GPR139: variants seen among roughly 807,000 people sequenced by gnomAD.
GPR139 encodes the protein probable G protein-coupled receptor 139.
A neutral mutation model predicts 25.8 loss-of-function variants in GPR139; 12 were observed. The observed-to-expected ratio is 0.47, with a 90% CI of 0.30 to 0.75. The LOEUF is 0.75. GPR139 is among the 30% of genes least tolerant of loss of function. The pLI is 0.07. For missense variants in GPR139, 380 were observed against 450.2 expected (o/e 0.84, Z 1.41); for synonymous variants, 184 against 179.9 (o/e 1.02, Z -0.18).
At chr16:20,068,236 C>CAAAAAAA (rs10534277) in intron 1 of GPR139, among the ~76,000 whole-genome samples, 5 of 109,026 alleles carry the variant, frequency 4.6e-5, no homozygotes, top group Non-Finnish European at 7.5e-5. Context: ...CTATTTAATG[C>CAAAAAAA]AAAAAAAAAA....
intron 1 of GPR139, among the ~76,000 whole-genome samples, chr16:20,045,271 A>G (rs1245166886): frequency 6.6e-6 from 1 of 152,134 alleles, no homozygotes; most frequent in Non-Finnish European, 1.5e-5. Context: ...AAGTGCTGGG[A>G]TGACAGGTGT....
chr16:20,041,128 A>T lies in GPR139; in HGVS notation c.128-8459T>A, dbSNP rs12708627. Among the ~76,000 whole-genome samples, 61 of 34,608 alleles carry T rather than the reference A, an allele frequency of 1.8e-3. 1 individual carries two copies. Among genetic ancestry groups the T allele is most frequent in the African/African-American group, 4.4e-3 (31 of 6,984 alleles). The allele number at this position is 34,608 out of a possible 152,430, so 22.7% of individuals were successfully genotyped here. A position where few individuals can be genotyped will look rare whatever the true frequency, so the allele number is the denominator to read the frequency against. On this transcript the variant is annotated intron_variant, in intron 1 of 1. Transcript: ENST00000570682. ...CTGACCCAGAAAGGAAAGGAAAGGA[A>T]AGGAGAGGAGAGGAGAGGAGACGAG...
chr16:20,073,685 G>T lies in GPR139; in HGVS notation c.-69C>A. On this transcript the variant is annotated 5_prime_UTR_variant, in exon 1 of 2. Transcript: ENST00000570682. The surrounding 1 kb of genome is among the most constrained non-coding windows in gnomAD (Gnocchi z 4.7). ...CAGCCCGACTCTGGTCGCCGGCTCGGTGGTGGCGGCGGCGGAGGCAGCGGC... is the reference window on the plus strand; with the variant it reads ...CAGCCCGACTCTGGTCGCCGGCTCGTTGGTGGCGGCGGCGGAGGCAGCGGC... The T allele has an allele frequency of 6.8e-7, 1 of 1,477,344 alleles. No homozygotes were observed. The highest frequency in any genetic ancestry group is 9.0e-7 in the Non-Finnish European group (1 of 1,116,376). 91.5% of individuals were successfully genotyped at this position (1,477,344 alleles called of 1,614,324 possible).
intron 1 of GPR139, among the ~76,000 whole-genome samples, chr16:20,053,722 A>G (rs1345794972): frequency 6.6e-6 from 1 of 152,246 alleles, no homozygotes; most frequent in Admixed American, 6.5e-5. Context: ...CCTGATTGGT[A>G]TCAAGAGCAA....
chr16:20,072,389 C>T (rs564919130), intron 1 of GPR139, among the ~76,000 whole-genome samples: 6 of 152,254 alleles, frequency 3.9e-5, no homozygotes, highest in African/African-American at 1.4e-4. Flanking sequence ...TTCCCAGGAT[C>T]GCAAGATGCT....
chr16:20,054,336 C>T (rs1160970089), intron 1 of GPR139, among the ~76,000 whole-genome samples: 1 of 152,070 alleles, frequency 6.6e-6, no homozygotes, highest in Non-Finnish European at 1.5e-5. Context: ...TCCAAACCTG[C>T]AGGTTAGCCA....
chr16:20,067,304 G>A (rs1157352911), intron 1 of GPR139, among the ~76,000 whole-genome samples: 1 of 152,130 alleles, frequency 6.6e-6, no homozygotes, highest in East Asian at 1.9e-4. Context: ...TAGCAACACA[G>A]CAGAACCTGG....
At chr16:20,071,046 C>G (rs1386714351) in intron 1 of GPR139, 18 of 968,506 alleles carry the variant, frequency 1.9e-5, no homozygotes, top group Non-Finnish European at 8.6e-6. Context: ...AGTGCAGTGT[C>G]AATAAATGAA....
At chr16:20,043,294 A>T (rs1465255917) in intron 1 of GPR139, among the ~76,000 whole-genome samples, 1 of 152,162 alleles carries the variant, frequency 6.6e-6, no homozygotes, top group African/African-American at 2.4e-5. Flanking sequence ...GCCAGACCTC[A>T]ATCACGAAAC....
At chr16:20,068,236 CAAAAA>C (rs10534277) in intron 1 of GPR139, among the ~76,000 whole-genome samples, 26,967 of 109,192 alleles carry the variant, frequency 0.25, 2,912 homozygotes, top group East Asian at 0.32. Context: ...CTATTTAATG[CAAAAA>C]AAAAAAAAAA....
chr16:20,046,545 AG>A lies in GPR139; in HGVS notation c.128-13877del, dbSNP rs1396889213. ...GATCTATTTCACCCTCTAGTCAGGG[AG>A]GCAGACAGGGAAAGAGGCTACATGA... On this transcript the variant is annotated intron_variant, in intron 1 of 1. Coordinates refer to ENST00000570682, the MANE Select transcript of GPR139 (RefSeq NM_001002911.4). Among the ~76,000 whole-genome samples, 5 of 152,272 alleles carry A rather than the reference AG, an allele frequency of 3.3e-5. No individual in the cohort carries two copies. In the East Asian group the frequency reaches 9.6e-4, roughly 29 times the overall value.
intron 1 of GPR139, among the ~76,000 whole-genome samples, chr16:20,034,287 T>C (rs1233069563): frequency 6.6e-6 from 1 of 152,202 alleles, no homozygotes; most frequent in East Asian, 1.9e-4. Context: ...ATAGTTCACA[T>C]GTAAAAATTC....
At chr16:20,054,687 TCTTCCTTC>T (rs199723951) in intron 1 of GPR139, among the ~76,000 whole-genome samples, 2 of 129,806 alleles carry the variant, frequency 1.5e-5, no homozygotes, top group East Asian at 2.0e-4. Context: ...CTTCCTTCCT[TCTTCCTTC>T]CTTCCTTCCT....
chr16:20,035,777 A>G (rs1255495092), intron 1 of GPR139, among the ~76,000 whole-genome samples: 2 of 152,174 alleles, frequency 1.3e-5, no homozygotes, highest in Admixed American at 1.3e-4. Flanking sequence ...TCTGAGGGGG[A>G]GAAGTATGAA....
chr16:20,059,131 CCT>C (rs953837552), intron 1 of GPR139, among the ~76,000 whole-genome samples: 1 of 152,170 alleles, frequency 6.6e-6, no homozygotes, highest in Non-Finnish European at 1.5e-5. Context: ...TGGTGATGAT[CCT>C]CTCTCTGCCC....
chr16:20,047,010 G>A (rs139563546), intron 1 of GPR139, among the ~76,000 whole-genome samples: 17 of 152,196 alleles, frequency 1.1e-4, no homozygotes, highest in East Asian at 3.9e-4. Flanking sequence ...GTTAGAGGCC[G>A]CAGTGAGCTA....
intron 1 of GPR139, among the ~76,000 whole-genome samples, chr16:20,069,873 G>A (rs186241975): frequency 1.3e-5 from 2 of 152,260 alleles, no homozygotes; most frequent in Admixed American, 6.5e-5. Context: ...GGTCCAATGA[G>A]TGTCCCAAAT....
At chr16:20,035,815 C>T (rs1168770067) in intron 1 of GPR139, among the ~76,000 whole-genome samples, 3 of 152,194 alleles carry the variant, frequency 2.0e-5, no homozygotes, top group African/African-American at 7.2e-5. Context: ...ACAAAGAATA[C>T]TTATATTGAG....
chr16:20,030,866 G>A lies in GPR139; in HGVS notation c.*869C>T, dbSNP rs1268622306. On this transcript the variant is annotated 3_prime_UTR_variant, in exon 2 of 2. Coordinates refer to ENST00000570682, the MANE Select transcript of GPR139 (RefSeq NM_001002911.4). The stretch of plus-strand genomic sequence containing the variant: ...ACACGTAAAAAGGCTTCTCTAGGAA[G>A]CTGGAGTGATACCATAACAAGAAGC... 6.6e-6 allele frequency among the ~76,000 whole-genome samples: 1 copy of A among 152,228 alleles called. No homozygotes were observed. Among genetic ancestry groups the A allele is most frequent in the African/African-American group, 2.4e-5 (1 of 41,454 alleles).
Sources: allele counts gnomAD v4.1 joint callset (sites outside exome capture counted in the v4.1 genomes callset), GRCh38; gene constraint gnomAD v4.1.1; non-coding constraint Gnocchi (gnomAD v3.1); transcripts MANE v1.5; gene names NCBI Gene and HGNC (gene_info 2026-07-23, HGNC 2026-07-21).